The following ZC3H12B variants were observed in gnomAD, a reference collection of about 807,000 sequenced individuals.
The protein encoded by ZC3H12B is probable ribonuclease ZC3H12B.
A neutral mutation model predicts 43.9 loss-of-function variants in ZC3H12B; 7 were observed. That is an observed-to-expected ratio of 0.16 (90% confidence interval 0.09 to 0.30). ZC3H12B has a LOEUF of 0.30. ZC3H12B is among the 10% of genes least tolerant of loss of function. The pLI, the probability that ZC3H12B is intolerant of heterozygous loss-of-function variation, is 1.00. For synonymous variants in ZC3H12B, 222 were observed against 241.7 expected (o/e 0.92, Z 0.76); for missense variants, 475 against 670.2 (o/e 0.71, Z 3.22).
the ZC3H12B span, among the ~76,000 whole-genome samples, chrX:65,336,843 A>C: frequency 6.2e-4 from 70 of 112,513 alleles, no homozygotes; most frequent in African/African-American, 2.0e-3. Context: ...CAAAGCTCCC[A>C]TGTCCCATGA....
At chrX:65,124,024 A>G in the ZC3H12B span, among the ~76,000 whole-genome samples, 1,269 of 110,762 alleles carry the variant, frequency 0.011, 51 homozygotes, top group Admixed American at 0.099. Context: ...TTCCAGTACT[A>G]TGTTGAATAG....
At chrX:65,249,014 TACTC>T in the ZC3H12B span, among the ~76,000 whole-genome samples, 1 of 111,622 alleles carries the variant, frequency 9.0e-6, no homozygotes, top group Admixed American at 9.5e-5. Context: ...GAAGGTTTTT[TACTC>T]ACTCTGTGGG....
the ZC3H12B span, among the ~76,000 whole-genome samples, chrX:65,360,206 A>G: frequency 9.8e-5 from 11 of 112,578 alleles, no homozygotes; most frequent in Admixed American, 5.7e-4. Flanking sequence ...CATGTGAGTC[A>G]CTTTATTGTG....
the ZC3H12B span, among the ~76,000 whole-genome samples, chrX:65,127,408 G>A: frequency 8.9e-6 from 1 of 111,983 alleles, no homozygotes; most frequent in Non-Finnish European, 1.9e-5. Flanking sequence ...GAGGTAGCAG[G>A]AGAGTGAAAT....
chrX:65,317,296 G>A, the ZC3H12B span, among the ~76,000 whole-genome samples: 1 of 109,736 alleles, frequency 9.1e-6, no homozygotes, highest in Admixed American at 9.8e-5. Context: ...GTCTTGGGCA[G>A]GAGTGCAATA....
upstream of ZC3H12B, among the ~76,000 whole-genome samples, chrX:65,366,277 G>A (rs947103205): frequency 5.4e-5 from 6 of 111,037 alleles, no homozygotes; most frequent in African/African-American, 2.0e-4. Context: ...CCAAGTGGTG[G>A]AAGTAGGCTT....
the ZC3H12B span, among the ~76,000 whole-genome samples, chrX:65,051,517 A>T: frequency 1.8e-5 from 2 of 111,121 alleles, no homozygotes; most frequent in African/African-American, 6.5e-5. Context: ...CATGAACCAG[A>T]AAAAAATCAA....
At chrX:65,422,348 G>A (rs915044223) in intron 3 of ZC3H12B, among the ~76,000 whole-genome samples, 6 of 111,519 alleles carry the variant, frequency 5.4e-5, no homozygotes, top group African/African-American at 2.0e-4. Flanking sequence ...TCCATCAGGA[G>A]ACACAATATC....
At chrX:65,212,309 A>T in the ZC3H12B span, among the ~76,000 whole-genome samples, 1 of 14,333 alleles carries the variant, frequency 7.0e-5, no homozygotes, top group Admixed American at 1.4e-3. Flanking sequence ...AATATATAAT[A>T]TAATTATTAT....
At chrX:65,501,652 C>A in intron 4 of ZC3H12B, 137 bp from the exon 10 acceptor site, 1 of 588,224 alleles carries the variant, frequency 1.7e-6, no homozygotes, top group Non-Finnish European at 2.6e-6. Context: ...TGTCTCTCAT[C>A]TTTGTGGACA....
the ZC3H12B span, among the ~76,000 whole-genome samples, chrX:65,072,537 G>A: frequency 8.9e-6 from 1 of 112,128 alleles, no homozygotes; most frequent in East Asian, 2.8e-4. Flanking sequence ...TAGTCTTTGA[G>A]GTTGCTGTCC....
intron 3 of ZC3H12B, among the ~76,000 whole-genome samples, chrX:65,447,378 A>G (rs1046756549): frequency 8.1e-5 from 9 of 111,493 alleles, no homozygotes; most frequent in Non-Finnish European, 1.5e-4. Flanking sequence ...GCAAAACTGG[A>G]TAGAGACATG....
intron 3 of ZC3H12B, among the ~76,000 whole-genome samples, chrX:65,459,182 C>G (rs777974980): frequency 5.7e-4 from 64 of 111,687 alleles, no homozygotes; most frequent in African/African-American, 2.1e-3. Flanking sequence ...CTGAATAGAC[C>G]AATAACAGGC....
At chrX:65,222,536 G>T in the ZC3H12B span, among the ~76,000 whole-genome samples, 1 of 108,090 alleles carries the variant, frequency 9.3e-6, no homozygotes, top group Non-Finnish European at 1.9e-5. Context: ...AGTAGACATG[G>T]TGTACACCAA....
chrX:65,496,043 G>A (rs1310075886), intron 1 of ZC3H12B, among the ~76,000 whole-genome samples: 3 of 111,672 alleles, frequency 2.7e-5, no homozygotes, highest in Non-Finnish European at 5.6e-5. Context: ...TTTGGAATTA[G>A]AGGAAGAAAA....
chrX:65,230,854 T>G, the ZC3H12B span, among the ~76,000 whole-genome samples: 1 of 111,741 alleles, frequency 8.9e-6, no homozygotes. Context: ...ATAAACTCAT[T>G]ATCAAAAGTA....
chrX:65,109,449 A>G, the ZC3H12B span, among the ~76,000 whole-genome samples: 1 of 111,676 alleles, frequency 9.0e-6, no homozygotes, highest in Non-Finnish European at 1.9e-5. Flanking sequence ...TAATCATAAC[A>G]TTTGTGGTCT....
chrX:65,331,117 T>G, the ZC3H12B span: 3 of 295,887 alleles, frequency 1.0e-5, no homozygotes, highest in Non-Finnish European at 2.0e-5. Flanking sequence ...AGTATTTCAC[T>G]TGTTTGTCCT....
At chrX:65,229,519 C>A in the ZC3H12B span, among the ~76,000 whole-genome samples, 17 of 110,761 alleles carry the variant, frequency 1.5e-4, no homozygotes, top group Admixed American at 7.7e-4. Context: ...GCAACAAAAG[C>A]CAAAATTGAC....
Sources: gnomAD v4.1 joint callset for allele counts (sites outside exome capture counted in the v4.1 genomes callset) on GRCh38, gnomAD v4.1.1 for gene constraint, MANE v1.5 for transcripts, NCBI Gene and HGNC (gene_info 2026-07-23, HGNC 2026-07-21) for gene names.